Variants in RAB18 observed in about 807,000 individuals in gnomAD.
The protein encoded by RAB18 is ras-related protein Rab-18.
A neutral mutation model predicts 28.5 loss-of-function variants in RAB18; 10 were observed. That is an observed-to-expected ratio of 0.35 (90% CI 0.22 to 0.60). The LOEUF (loss-of-function observed/expected upper bound fraction) is 0.60. RAB18 is among the 20% of genes least tolerant of loss of function. RAB18 has a pLI of 0.78. For synonymous variants in RAB18, 93 were observed against 86.9 expected (o/e 1.07, Z -0.39); for missense variants, 188 against 244.2 (o/e 0.77, Z 1.53).
At position 27,542,179 on chromosome 10, in the gene RAB18, G is replaced by A. The variant is rs1835053565; in HGVS notation, c.*4128G>A. 1 of 453,990 alleles carries A rather than the reference G, an allele frequency of 2.2e-6. No individual in the cohort carries two copies. The highest frequency in any genetic ancestry group is 1.6e-5 in the South Asian group (1 of 64,482). The allele number at this position is 453,990 out of a possible 1,614,324, so 28.1% of individuals were successfully genotyped here. A position where few individuals can be genotyped will look rare whatever the true frequency, so the allele number is the denominator to read the frequency against. ...TTCTGGATCAAATTGGACCTGAATTGAGATCTATTTCTCAGCTTTCACTTA... is the reference window on the plus strand; with the variant it reads ...TTCTGGATCAAATTGGACCTGAATTAAGATCTATTTCTCAGCTTTCACTTA... On this transcript the variant is annotated 3_prime_UTR_variant, in exon 7 of 7. Transcript: ENST00000356940.
At chr10:27,508,596 C>G (rs2505306) in intron 1 of RAB18, among the ~76,000 whole-genome samples, 151,339 of 152,314 alleles carry the variant, frequency 0.99, 75,190 homozygotes, top group Middle Eastern at 1. Context: ...TTCCAAGTAA[C>G]TAAATATAGT....
Position 27,511,953 on chromosome 10 carries a change from T to C in RAB18, c.124+2023T>C, listed in dbSNP as rs73604014. ...TGTTTGGAATTCTGTAAGTAAGAGC[T>C]CTTTTTTTTTCTTTTTTTGTGAGGC... On this transcript the variant is annotated intron_variant, in intron 2 of 6. Transcript: ENST00000356940. Among the ~76,000 whole-genome samples, 900 of 152,164 alleles carry C rather than the reference T, an allele frequency of 5.9e-3. 4 individuals carry two copies. The highest frequency in any genetic ancestry group is 0.02 in the African/African-American group (821 of 41,514).
Position 27,541,828 on chromosome 10 carries a change from C to G in RAB18, c.*3777C>G, listed in dbSNP as rs1422483851. The G allele has an allele frequency of 2.5e-6, 1 of 396,208 alleles. No homozygotes were observed. The highest frequency in any genetic ancestry group is 5.0e-6 in the Non-Finnish European group (1 of 201,176). The allele number at this position is 396,208 out of a possible 1,614,324, so 24.5% of individuals were successfully genotyped here. A position where few individuals can be genotyped will look rare whatever the true frequency, so the allele number is the denominator to read the frequency against. On this transcript the variant is annotated 3_prime_UTR_variant, in exon 7 of 7. Transcript: ENST00000356940. ...CTACTTCCTTCTCCCACCATACCAC[C>G]CCCACCCCCACCCCTGCAAACAATT... is the stretch of plus-strand genomic sequence containing the variant.
chr10:27,522,871 C>T (rs1241679481), intron 2 of RAB18, among the ~76,000 whole-genome samples: 3 of 151,790 alleles, frequency 2.0e-5, no homozygotes, highest in Admixed American at 1.3e-4. Context: ...TTTTTTTCAT[C>T]CTTTGTAATG....
In RAB18 at chr10:27,524,276, C is replaced by G. The variant is rs151159802; in HGVS notation, c.125-2552C>G. The stretch of plus-strand genomic sequence containing the variant: ...CTGTTTGATCCTTTTTTATGTCACT[C>G]ATGTCTACTTTTTGAACATGTGGTG... On this transcript the variant is annotated intron_variant, in intron 2 of 6. Transcript: ENST00000356940. 3.4e-3 allele frequency among the ~76,000 whole-genome samples: 514 copies of G among 152,182 alleles called. 3 individuals carry two copies. The highest frequency in any genetic ancestry group is 0.012 in the African/African-American group (496 of 41,522).
Position 27,535,244 on chromosome 10 carries a change from CATT to C in RAB18, c.445+1253_445+1255del, listed in dbSNP as rs142183344. Among the ~76,000 whole-genome samples the C allele has an allele frequency of 3.4e-3, 525 of 152,194 alleles. 3 individuals carry two copies. The highest frequency in any genetic ancestry group is 0.012 in the African/African-American group (501 of 41,530). Reference sequence around the variant, plus strand: ...CACAAATTTGTAAACTTCCTTAAAACATTATGAGATTTTGTGCTTTTTTTTAAG... The same window carrying C: ...CACAAATTTGTAAACTTCCTTAAAACATGAGATTTTGTGCTTTTTTTTAAG... On this transcript the variant is annotated intron_variant, in intron 6 of 6. Coordinates refer to ENST00000356940, the MANE Select transcript of RAB18 (RefSeq NM_021252.5).
intron 4 of RAB18, among the ~76,000 whole-genome samples, chr10:27,533,032 T>G (rs573525028): frequency 6.6e-6 from 1 of 152,222 alleles, no homozygotes; most frequent in South Asian, 2.1e-4. Flanking sequence ...CAGATGTGGA[T>G]TCTCAGTGTA....
chr10:27,528,813 T>TC (rs1226147429), intron 3 of RAB18, among the ~76,000 whole-genome samples: 1 of 152,072 alleles, frequency 6.6e-6, no homozygotes, highest in Admixed American at 6.6e-5. Flanking sequence ...GCCTTTTTTT[T>TC]CAGTTTATAC....
intron 2 of RAB18, among the ~76,000 whole-genome samples, chr10:27,511,125 G>T (rs1297780552): frequency 6.6e-6 from 1 of 152,170 alleles, no homozygotes; most frequent in Non-Finnish European, 1.5e-5. Flanking sequence ...TATAGCAAAA[G>T]ACAAATAATT....
intron 6 of RAB18, among the ~76,000 whole-genome samples, chr10:27,537,651 T>C (rs564085759): frequency 9.2e-5 from 14 of 152,276 alleles, no homozygotes; most frequent in African/African-American, 3.1e-4. Context: ...TAAACCAGTG[T>C]TTTTTTGGTA....
chr10:27,533,320 A>G (rs1834824562), intron 4 of RAB18, among the ~76,000 whole-genome samples: 1 of 152,080 alleles, frequency 6.6e-6, no homozygotes, highest in Admixed American at 6.5e-5. Context: ...TGGTTCTTGT[A>G]ATAAACAAAT....
rs752038343 is a variant in RAB18, at chr10:27,532,570, G to A, written c.250G>A (p.Val84Ile). 3 of 1,593,016 alleles carry A rather than the reference G, an allele frequency of 1.9e-6. No individual in the cohort carries two copies. Among genetic ancestry groups the A allele is most frequent in the Non-Finnish European group, 2.6e-6 (3 of 1,162,170 alleles). Residue 84 changes from valine to isoleucine, a missense_variant, in exon 4 of 7, where the codon GTT becomes ATT. Physicochemically the swap from Val to Ile is conservative, Grantham distance 29. Transcript: ENST00000356940. ...CAGCTATTATAGAGGTGCACAGGGT[G>A]TTATATTAGGTAAGTGTTTACTTTA... ...TPSYYRGAQG[V>I]ILVYDVTRRD...
At chr10:27,512,487 G>GTA (rs911477685) in intron 2 of RAB18, among the ~76,000 whole-genome samples, 3 of 151,890 alleles carry the variant, frequency 2.0e-5, no homozygotes, top group Admixed American at 6.6e-5. Flanking sequence ...TGTATTTTTA[G>GTA]TAGAGATGGG....
chr10:27,521,483 G>A (rs1275007948), intron 2 of RAB18, among the ~76,000 whole-genome samples: 5 of 152,174 alleles, frequency 3.3e-5, no homozygotes, highest in Admixed American at 2.0e-4. Context: ...TAGATAAAAT[G>A]TGGCATATGC....
At chr10:27,531,355 C>T (rs1564836110) in intron 3 of RAB18, among the ~76,000 whole-genome samples, 7 of 152,008 alleles carry the variant, frequency 4.6e-5, no homozygotes, top group Admixed American at 4.6e-4. Flanking sequence ...GCTGAAGCCC[C>T]TCACGCCCCT....
At chr10:27,527,901 T>G (rs1449833236) in intron 3 of RAB18, among the ~76,000 whole-genome samples, 1 of 152,164 alleles carries the variant, frequency 6.6e-6, no homozygotes, top group Non-Finnish European at 1.5e-5. Context: ...TATGTCAGTT[T>G]TTCCTAACAT....
Position 27,541,308 on chromosome 10 carries a change from A to G in RAB18, c.*3257A>G, listed in dbSNP as rs1487366586. 1.5e-5 allele frequency: 7 copies of G among 453,446 alleles called. No homozygotes were observed. Among genetic ancestry groups the G allele is most frequent in the Non-Finnish European group, 2.6e-5 (6 of 226,738 alleles). The allele number at this position is 453,446 out of a possible 1,614,324, so 28.1% of individuals were successfully genotyped here. On this transcript the variant is annotated 3_prime_UTR_variant, in exon 7 of 7. Coordinates refer to ENST00000356940, the MANE Select transcript of RAB18 (RefSeq NM_021252.5). ...TAGACATAGACAGGCTAGCTAAGTC[A>G]AGACTAGGGGCTAAGGAATATAGAA...
chr10:27,531,522 T>A, intron 3 of RAB18: 1 of 1,533,290 alleles, frequency 6.5e-7, no homozygotes. Flanking sequence ...CTTTTACTTT[T>A]CTTTAGGTTA....
intron 4 of RAB18, among the ~76,000 whole-genome samples, chr10:27,533,146 G>T (rs977177987): frequency 1.2e-4 from 18 of 151,756 alleles, no homozygotes; most frequent in African/African-American, 4.3e-4. Flanking sequence ...AAATATTATG[G>T]CTTGGTAGTG....
Sources: gnomAD v4.1 joint callset for allele counts (sites outside exome capture counted in the v4.1 genomes callset) on GRCh38, gnomAD v4.1.1 for gene constraint, MANE v1.5 for transcripts, NCBI Gene and HGNC (gene_info 2026-07-23, HGNC 2026-07-21) for gene names.